Variants in PCA3 observed in about 807,000 individuals in gnomAD.
The protein encoded by PCA3 is Differential Display code 3.
At chr9:76,784,377 G>A (rs1407909830) in intron 2 of PCA3, 1 of 152,176 alleles carries the variant, frequency 6.6e-6, no homozygotes, top group Non-Finnish European at 1.5e-5. Context: ...AAACAAAATG[G>A]AATACTGTGA....
intron 2 of PCA3, chr9:76,779,689 T>C (rs771699434): frequency 1.3e-5 from 2 of 152,230 alleles, no homozygotes; most frequent in Non-Finnish European, 2.9e-5. Flanking sequence ...CTGAAATGAC[T>C]TATCTCAGTC....
chr9:76,783,665 C>T (rs988317446), intron 2 of PCA3: 4 of 152,112 alleles, frequency 2.6e-5, no homozygotes, highest in Admixed American at 6.5e-5. Flanking sequence ...ATGCTGACAC[C>T]TTGCCATTTG....
At chr9:76,778,070 A>G (rs116453755) in intron 2 of PCA3, among the ~76,000 whole-genome samples, 3,461 of 152,298 alleles carry the variant, frequency 0.023, 125 homozygotes, top group African/African-American at 0.077. Flanking sequence ...TTGGCTGCAC[A>G]TTAGATTTAT....
intron 2 of PCA3, among the ~76,000 whole-genome samples, chr9:76,776,087 C>T (rs752415396): frequency 6.6e-6 from 1 of 152,180 alleles, no homozygotes; most frequent in Non-Finnish European, 1.5e-5. Context: ...GAGTAATCAA[C>T]TCATGAGTAA....
chr9:76,769,092 T>C (rs1365972650), intron 2 of PCA3, among the ~76,000 whole-genome samples: 2 of 152,176 alleles, frequency 1.3e-5, no homozygotes, highest in South Asian at 2.1e-4. Flanking sequence ...TATTGACAGT[T>C]TGAGAGATAT....
At chr9:76,767,335 C>T (rs759854154) in intron 2 of PCA3, among the ~76,000 whole-genome samples, 1 of 152,018 alleles carries the variant, frequency 6.6e-6, no homozygotes, top group Non-Finnish European at 1.5e-5. Context: ...CCTGTAATCC[C>T]AGCTACTCGA....
At chr9:76,786,885 C>T (rs1407331152) in intron 2 of PCA3, 1 of 152,178 alleles carries the variant, frequency 6.6e-6, no homozygotes, top group Non-Finnish European at 1.5e-5. Flanking sequence ...AATGAGAAAC[C>T]CAGTGGCTCC....
chr9:76,771,666 T>G (rs1210273567), intron 2 of PCA3, among the ~76,000 whole-genome samples: 3 of 152,164 alleles, frequency 2.0e-5, no homozygotes, highest in South Asian at 4.1e-4. Flanking sequence ...GTAAATGAAT[T>G]TTCAAAAAAT....
At chr9:76,783,904 G>A (rs1027643970) in intron 2 of PCA3, 4 of 152,246 alleles carry the variant, frequency 2.6e-5, no homozygotes, top group East Asian at 1.9e-4. Flanking sequence ...GCTTTATAAA[G>A]CACTCAATTT....
chr9:76,772,163 C>T (rs569775036), intron 2 of PCA3, among the ~76,000 whole-genome samples: 3 of 152,200 alleles, frequency 2.0e-5, no homozygotes, highest in Non-Finnish European at 4.4e-5. Flanking sequence ...GTGTGTTGCT[C>T]GTTGTTTTTA....
intron 2 of PCA3, among the ~76,000 whole-genome samples, chr9:76,783,344 C>T (rs2054627581): frequency 6.6e-6 from 1 of 152,034 alleles, no homozygotes; most frequent in Non-Finnish European, 1.5e-5. Flanking sequence ...ACCATATTGG[C>T]CAGGCTGGTC....
chr9:76,782,038 C>A (rs915736532), intron 2 of PCA3, among the ~76,000 whole-genome samples: 14 of 152,182 alleles, frequency 9.2e-5, no homozygotes, highest in Middle Eastern at 3.4e-3. Context: ...CACGGTGAAA[C>A]CCCATCTCTA....
At chr9:76,766,048 T>TGGCA (rs2052341992) in intron 2 of PCA3, among the ~76,000 whole-genome samples, 1 of 151,732 alleles carries the variant, frequency 6.6e-6, no homozygotes, top group Admixed American at 6.6e-5. Context: ...CCGCGCGTGG[T>TGGCA]GGCAGGCACC....
chr9:76,766,370 G>T (rs1443194042), intron 2 of PCA3, among the ~76,000 whole-genome samples: 1 of 152,036 alleles, frequency 6.6e-6, no homozygotes, highest in African/African-American at 2.4e-5. Context: ...CCTTGTGGGA[G>T]AATACGTTAC....
rs115248711 is a variant in PCA3, at chr9:76,779,134, C to T, written n.853-29449C>T. Among the ~76,000 whole-genome samples, 990 of 152,048 alleles carry T rather than the reference C, an allele frequency of 6.5e-3. 10 individuals are homozygous for T. Among genetic ancestry groups the T allele is most frequent in the African/African-American group, 0.022 (928 of 41,450 alleles). On this transcript the variant is annotated intron_variant and non_coding_transcript_variant, in intron 2 of 5. Transcript: ENST00000644657. ...TCATTAAACATAAAATCAATGTAGA[C>T]GCAAATTTTCTGGATGGGCAATACT...
At chr9:76,766,584 G>A (rs1672177610) in intron 2 of PCA3, among the ~76,000 whole-genome samples, 3 of 152,028 alleles carry the variant, frequency 2.0e-5, no homozygotes, top group Admixed American at 2.0e-4. Flanking sequence ...CTTTTTCTGG[G>A]AATCTTGCTT....
intron 2 of PCA3, among the ~76,000 whole-genome samples, chr9:76,778,073 A>C (rs146198409): frequency 1.3e-4 from 20 of 152,346 alleles, no homozygotes; most frequent in African/African-American, 4.3e-4. Flanking sequence ...GCTGCACATT[A>C]GATTTATTCT....
intron 2 of PCA3, among the ~76,000 whole-genome samples, chr9:76,782,983 T>A (rs1302028551): frequency 6.6e-6 from 1 of 152,216 alleles, no homozygotes; most frequent in Admixed American, 6.5e-5. Flanking sequence ...AGATCTCTTC[T>A]AGCCTCCCCC....
chr9:76,774,469 T>A (rs13300781), intron 2 of PCA3, among the ~76,000 whole-genome samples: 39,554 of 139,944 alleles, frequency 0.28, 7,235 homozygotes, highest in African/African-American at 0.41. Context: ...TTTTTTTTTT[T>A]TTTTTTTTGA....
Sources: allele counts gnomAD v4.1 joint callset (sites outside exome capture counted in the v4.1 genomes callset), GRCh38; gene constraint gnomAD v4.1.1; transcripts MANE v1.5; gene names NCBI Gene and HGNC (gene_info 2026-07-23, HGNC 2026-07-21).